The following HELZ variants were observed in gnomAD, a reference collection of about 807,000 sequenced individuals.
HELZ encodes the protein ATP-dependent RNA helicase with zinc finger domain.
A neutral mutation model predicts 218.2 loss-of-function variants in HELZ; 23 were observed. That is an observed-to-expected ratio of 0.11 (90% CI 0.08 to 0.15). The LOEUF (loss-of-function observed/expected upper bound fraction) is 0.15. Ranked by LOEUF, HELZ falls within the 10% of genes least tolerant of loss-of-function variation. The probability of loss-of-function intolerance (pLI) is 1.00; values close to 1 mark genes in which losing one functional copy is unlikely to be tolerated. For missense variants in HELZ, 1,813 were observed against 2,353.7 expected, an observed-to-expected ratio of 0.77 and a Z score of 4.75; for synonymous variants, 814 against 829.4, an observed-to-expected ratio of 0.98 and a Z score of 0.32.
intron 22 of HELZ, among the ~76,000 whole-genome samples, chr17:67,137,344 C>A (rs549956180): frequency 2.6e-4 from 40 of 152,248 alleles, no homozygotes; most frequent in African/African-American, 9.4e-4. Context: ...AAATGCTCAC[C>A]TAAATTCTGT....
In HELZ at chr17:67,126,144, G is replaced by A. The variant is rs2037788367; in HGVS notation, c.3388-2130C>T. Among the ~76,000 whole-genome samples, 4 of 152,282 alleles carry A rather than the reference G, an allele frequency of 2.6e-5. No individual in the cohort carries two copies. In the South Asian group the frequency reaches 8.3e-4, roughly 32 times the overall value. ...TGATGCTGGCCTTGAGAAGCCCAGAGCAAAGAAACCAACCAAGCCAATTCA... is the reference window on the plus strand; with the variant it reads ...TGATGCTGGCCTTGAGAAGCCCAGAACAAAGAAACCAACCAAGCCAATTCA... On this transcript the variant is annotated intron_variant, in intron 24 of 32. Transcript: ENST00000358691.
chr17:67,227,460 T>C (rs1367436952), intron 3 of HELZ, among the ~76,000 whole-genome samples: 1 of 152,194 alleles, frequency 6.6e-6, no homozygotes, highest in Admixed American at 6.5e-5. Context: ...GTGCTGGGAT[T>C]ACAGGTGTGA....
At chr17:67,168,809 G>C (rs1057047870) in intron 13 of HELZ, among the ~76,000 whole-genome samples, 2 of 152,036 alleles carry the variant, frequency 1.3e-5, no homozygotes, top group Non-Finnish European at 2.9e-5. Context: ...AAGAAATATG[G>C]AGCCGGACAT....
chr17:67,238,349 CAAAAAAAAAAA>C (rs71368808), intron 3 of HELZ, among the ~76,000 whole-genome samples: 1 of 46,964 alleles, frequency 2.1e-5, no homozygotes, highest in Admixed American at 2.2e-4. Context: ...CTCTGTCTCT[CAAAAAAAAAAA>C]AAAAAAAAAA....
intron 4 of HELZ, among the ~76,000 whole-genome samples, chr17:67,217,166 C>T (rs2040621268): frequency 1.3e-5 from 2 of 152,142 alleles, no homozygotes; most frequent in African/African-American, 4.8e-5. Context: ...TGAACTCCCA[C>T]CTTCCCCCAC....
At position 67,074,178 on chromosome 17, in the gene HELZ, AAGG is replaced by A. The variant is rs2035960850; in HGVS notation, c.*4071_*4073del. 6.6e-6 allele frequency: 1 copy of A among 152,092 alleles called. No homozygotes were observed. Among genetic ancestry groups the A allele is most frequent in the Admixed American group, 6.5e-5 (1 of 15,270 alleles). The allele number at this position is 152,092 out of a possible 1,614,324, so 9.4% of individuals were successfully genotyped here. A position where few individuals can be genotyped will look rare whatever the true frequency, so the allele number is the denominator to read the frequency against. ...TAGAAATTAAGGATTTTCATATGTT[AAGG>A]GGATGGTGAGCAAGAAATAATGTAC... On this transcript the variant is annotated 3_prime_UTR_variant, in exon 33 of 33. Transcript: ENST00000358691.
chr17:67,093,797 A>T (rs74552311), intron 31 of HELZ, among the ~76,000 whole-genome samples: 5 of 145,504 alleles, frequency 3.4e-5, no homozygotes, highest in Middle Eastern at 3.2e-3. Context: ...CACTATTTAT[A>T]TTATTTTTAA....
chr17:67,201,882 A>G (rs1361535796), intron 6 of HELZ, among the ~76,000 whole-genome samples: 1 of 152,206 alleles, frequency 6.6e-6, no homozygotes, highest in Non-Finnish European at 1.5e-5. Context: ...TCATTTATGA[A>G]TCTGGTGAAA....
intron 15 of HELZ, among the ~76,000 whole-genome samples, chr17:67,161,664 A>T (rs2038997681): frequency 6.6e-6 from 1 of 152,198 alleles, no homozygotes; most frequent in African/African-American, 2.4e-5. Flanking sequence ...AGCCAAACAA[A>T]ATAAAATGTT....
At position 67,074,001 on chromosome 17, in the gene HELZ, A is replaced by G. The variant is rs1041657788; in HGVS notation, c.*4251T>C. On this transcript the variant is annotated 3_prime_UTR_variant, in exon 33 of 33. Transcript: ENST00000358691. ...TGTAAGTGATTGGCACCACTACGTG[A>G]TATTTTGAACAAGAAATCGTAGATA... 2.0e-5 allele frequency: 3 copies of G among 152,150 alleles called. No homozygotes were observed. Among genetic ancestry groups the G allele is most frequent in the African/African-American group, 7.2e-5 (3 of 41,432 alleles). 9.4% of individuals were successfully genotyped at this position (152,150 alleles called of 1,614,324 possible). A position where few individuals can be genotyped will look rare whatever the true frequency, so the allele number is the denominator to read the frequency against.
chr17:67,174,830 C>T (rs754656747), intron 13 of HELZ, among the ~76,000 whole-genome samples: 1 of 152,040 alleles, frequency 6.6e-6, no homozygotes, highest in Non-Finnish European at 1.5e-5. Flanking sequence ...AAATATTCTG[C>T]TTAAACTGTC....
intron 6 of HELZ, 22 bp from the exon 7 acceptor site, chr17:67,201,207 A>C: frequency 6.5e-7 from 1 of 1,530,442 alleles, no homozygotes; most frequent in Non-Finnish European, 9.0e-7. Context: ...AATAAAAAAG[A>C]GAAGAACCAA....
chr17:67,151,395 TA>T (rs1424795981), intron 17 of HELZ, among the ~76,000 whole-genome samples, 171 bp from the exon 18 acceptor site: 26 of 152,308 alleles, frequency 1.7e-4, no homozygotes, highest in Non-Finnish European at 3.2e-4. Context: ...ATTGCCACTA[TA>T]ACCACTGTGA....
At chr17:67,136,695 G>T (rs2038162533) in intron 22 of HELZ, among the ~76,000 whole-genome samples, 1 of 152,156 alleles carries the variant, frequency 6.6e-6, no homozygotes, top group Admixed American at 6.6e-5. Flanking sequence ...AACCAGTCAG[G>T]AAAGGACAAA....
At chr17:67,133,251 A>G (rs559376825) in intron 23 of HELZ, among the ~76,000 whole-genome samples, 45 of 152,338 alleles carry the variant, frequency 3.0e-4, no homozygotes, top group African/African-American at 1.1e-3. Flanking sequence ...GTAGTAAGAA[A>G]CAGGCAACTG....
Position 67,128,759 on chromosome 17 carries a change from T to C in HELZ, c.3279A>G (p.Glu1093=), listed in dbSNP as rs992117579. 2.5e-6 allele frequency: 4 copies of C among 1,613,884 alleles called. No homozygotes were observed. The highest frequency in any genetic ancestry group is 4.5e-5 in the East Asian group (2 of 44,898). ...GATTCAACACATATGTCTTCTTTAGTTCTAAAGCCTCTAACTGGGCTTTGA... is the reference window on the plus strand; with the variant it reads ...GATTCAACACATATGTCTTCTTTAGCTCTAAAGCCTCTAACTGGGCTTTGA... ...EQIKAQLEAL[E]LKKTYVLNPL... Residue 1093 remains glutamate, a synonymous_variant, in exon 24 of 33, where the codon GAA becomes GAG. Transcript: ENST00000358691.
intron 3 of HELZ, among the ~76,000 whole-genome samples, chr17:67,231,697 T>C (rs576391325): frequency 5.9e-5 from 9 of 152,150 alleles, no homozygotes; most frequent in Non-Finnish European, 1.2e-4. Flanking sequence ...GGTAAAGAGT[T>C]TATGAGAACT....
At chr17:67,085,284 T>C (rs1387200968) in intron 32 of HELZ, among the ~76,000 whole-genome samples, 4 of 151,938 alleles carry the variant, frequency 2.6e-5, no homozygotes, top group Non-Finnish European at 4.4e-5. Context: ...TAGCCAGGCA[T>C]AGTGGCACAT....
At chr17:67,151,832 C>T (rs8068636) in intron 17 of HELZ, among the ~76,000 whole-genome samples, 13,276 of 152,178 alleles carry the variant, frequency 0.087, 1,512 homozygotes, top group African/African-American at 0.26. Flanking sequence ...ATAGGCCTCA[C>T]GCAATGGATT....
Sources: gnomAD v4.1 joint callset for allele counts (sites outside exome capture counted in the v4.1 genomes callset) on GRCh38, gnomAD v4.1.1 for gene constraint, MANE v1.5 for transcripts, NCBI Gene and HGNC (gene_info 2026-07-23, HGNC 2026-07-21) for gene names.